The following TSPAN5 variants were observed in gnomAD, a reference collection of about 807,000 sequenced individuals.
The protein encoded by TSPAN5 is tetraspanin 5, also known as tetraspanin-5.
TSPAN5 carries 10 observed loss-of-function variants against 37.1 expected under a neutral mutation model. The observed-to-expected ratio is 0.27, with a 90% CI of 0.17 to 0.46. TSPAN5 has a LOEUF of 0.46. Ranked by LOEUF, TSPAN5 falls within the 20% of genes least tolerant of loss-of-function variation. The probability of loss-of-function intolerance (pLI) is 1.00; values close to 1 mark genes in which losing one functional copy is unlikely to be tolerated. For missense variants in TSPAN5, 195 were observed against 326.6 expected, an observed-to-expected ratio of 0.60 and a Z score of 3.11; for synonymous variants, 110 against 118.9, an observed-to-expected ratio of 0.93 and a Z score of 0.48.
At chr4:98,541,880 A>C (rs1197935169) in intron 1 of TSPAN5, among the ~76,000 whole-genome samples, 1 of 152,074 alleles carries the variant, frequency 6.6e-6, no homozygotes, top group Non-Finnish European at 1.5e-5. Flanking sequence ...AATTTTAGAG[A>C]GATATGGAGA....
chr4:98,486,644 G>C (rs989319079), intron 3 of TSPAN5, 94 bp downstream of exon 3: 1 of 1,468,808 alleles, frequency 6.8e-7, no homozygotes, highest in African/African-American at 1.4e-5. Flanking sequence ...AGTGCCTTTG[G>C]TACAGCTCAC....
intron 2 of TSPAN5, among the ~76,000 whole-genome samples, chr4:98,491,555 G>A (rs1753085933): frequency 6.6e-6 from 1 of 152,064 alleles, no homozygotes; most frequent in Non-Finnish European, 1.5e-5. Context: ...GCACGTGGTG[G>A]TACCTGCCTG....
intron 1 of TSPAN5, among the ~76,000 whole-genome samples, chr4:98,634,289 A>G (rs1469532546): frequency 1.3e-5 from 2 of 152,088 alleles, no homozygotes; most frequent in Non-Finnish European, 2.9e-5. Context: ...TCCATATGCT[A>G]TCTCTACAGC....
At chr4:98,578,856 T>C (rs1755305372) in intron 1 of TSPAN5, among the ~76,000 whole-genome samples, 1 of 152,138 alleles carries the variant, frequency 6.6e-6, no homozygotes, top group Non-Finnish European at 1.5e-5. Flanking sequence ...CCTTGGGAAT[T>C]CTTTCCTCTA....
rs150727787 is a variant in TSPAN5, at chr4:98,602,968, G to A, written c.81+55178C>T. ...AGAAGGTGGCTGTATGCTGTAAAGT[G>A]GGGAAAATTTTACTTTACCACTGTA... On this transcript the variant is annotated intron_variant, in intron 1 of 7. Transcript: ENST00000305798. Among the ~76,000 whole-genome samples the A allele has an allele frequency of 8.5e-5, 13 of 152,282 alleles. No homozygotes were observed. In the East Asian group the frequency reaches 2.5e-3, roughly 29 times the overall value.
chr4:98,481,078 G>A (rs914782356), intron 4 of TSPAN5, among the ~76,000 whole-genome samples: 6 of 151,934 alleles, frequency 3.9e-5, no homozygotes, highest in Admixed American at 1.3e-4. Flanking sequence ...CACAGACACC[G>A]CTGTCCAAGT....
At chr4:98,647,409 G>A (rs1757090660) in intron 1 of TSPAN5, among the ~76,000 whole-genome samples, 1 of 152,192 alleles carries the variant, frequency 6.6e-6, no homozygotes, top group South Asian at 2.1e-4. Flanking sequence ...CTTAAGTCAA[G>A]TATTCCTCTT....
At chr4:98,518,610 A>G (rs1415574852) in intron 1 of TSPAN5, among the ~76,000 whole-genome samples, 4 of 152,230 alleles carry the variant, frequency 2.6e-5, no homozygotes, top group African/African-American at 4.8e-5. Context: ...CTTATCCAAA[A>G]GGATCAAAGC....
intron 1 of TSPAN5, among the ~76,000 whole-genome samples, chr4:98,510,982 TC>T (rs376450216): frequency 1.9e-3 from 295 of 152,246 alleles, no homozygotes; most frequent in Non-Finnish European, 3.5e-3. Context: ...ACATTCAGTT[TC>T]CCCTTCCCAC....
chr4:98,514,805 T>C (rs1029853632), intron 1 of TSPAN5, among the ~76,000 whole-genome samples: 6 of 152,174 alleles, frequency 3.9e-5, no homozygotes, highest in Admixed American at 1.3e-4. Context: ...TTGGATAAAC[T>C]GGGAAACAAA....
At chr4:98,507,159 AT>A (rs1440129124) in intron 2 of TSPAN5, among the ~76,000 whole-genome samples, 1 of 152,160 alleles carries the variant, frequency 6.6e-6, no homozygotes, top group East Asian at 1.9e-4. Flanking sequence ...AAACATTCCC[AT>A]TATTTACATT....
At position 98,471,904 on chromosome 4, in the gene TSPAN5, A is replaced by G. The variant is rs1752593192; in HGVS notation, c.*618T>C. On this transcript the variant is annotated 3_prime_UTR_variant, in exon 8 of 8. Coordinates refer to ENST00000305798, the MANE Select transcript of TSPAN5 (RefSeq NM_005723.4). Reference sequence around the variant, plus strand: ...GCACATGAAATACACAACTTCTCTTATAAGGAGACTTTCCAGGATAGACCA... The same window carrying G: ...GCACATGAAATACACAACTTCTCTTGTAAGGAGACTTTCCAGGATAGACCA... The G allele has an allele frequency of 6.6e-6, 1 of 152,232 alleles. No individual in the cohort carries two copies. The highest frequency in any genetic ancestry group is 1.5e-5 in the Non-Finnish European group (1 of 68,050). 9.4% of individuals were successfully genotyped at this position (152,232 alleles called of 1,614,324 possible). A position where few individuals can be genotyped will look rare whatever the true frequency, so the allele number is the denominator to read the frequency against.
At chr4:98,644,694 T>C (rs1757026261) in intron 1 of TSPAN5, among the ~76,000 whole-genome samples, 1 of 152,158 alleles carries the variant, frequency 6.6e-6, no homozygotes, top group Admixed American at 6.5e-5. Context: ...GCAATACCTA[T>C]AGTAACTTGA....
chr4:98,537,899 T>A (rs146952932), intron 1 of TSPAN5, among the ~76,000 whole-genome samples: 4 of 152,364 alleles, frequency 2.6e-5, no homozygotes, highest in South Asian at 4.1e-4. Flanking sequence ...CTGCTCATGG[T>A]AGGTGGTGGG....
At chr4:98,619,177 C>T (rs1756419865) in intron 1 of TSPAN5, among the ~76,000 whole-genome samples, 1 of 152,180 alleles carries the variant, frequency 6.6e-6, no homozygotes, top group South Asian at 2.1e-4. Context: ...CCTATTTAAA[C>T]CTTAAATTTT....
chr4:98,520,613 T>G (rs1753832303), intron 1 of TSPAN5, among the ~76,000 whole-genome samples: 2 of 152,150 alleles, frequency 1.3e-5, no homozygotes. Flanking sequence ...GTGACCTTGG[T>G]CAAGTCACTG....
chr4:98,569,631 C>T (rs1293502006), intron 1 of TSPAN5, among the ~76,000 whole-genome samples: 2 of 152,172 alleles, frequency 1.3e-5, no homozygotes, highest in East Asian at 3.9e-4. Context: ...GAGGAAAATA[C>T]AAGAGACACT....
chr4:98,577,375 T>C (rs1579004578), intron 1 of TSPAN5, among the ~76,000 whole-genome samples: 1 of 152,264 alleles, frequency 6.6e-6, no homozygotes, highest in African/African-American at 2.4e-5. Context: ...CCAGAATCTT[T>C]ATTGTTTCCC....
intron 1 of TSPAN5, among the ~76,000 whole-genome samples, chr4:98,619,817 G>C (rs1050185730): frequency 6.6e-6 from 1 of 152,140 alleles, no homozygotes; most frequent in Non-Finnish European, 1.5e-5. Flanking sequence ...TCAGCGTCTG[G>C]CGAGGCTCAT....
Sources: gnomAD v4.1 joint callset for allele counts (sites outside exome capture counted in the v4.1 genomes callset) on GRCh38, gnomAD v4.1.1 for gene constraint, MANE v1.5 for transcripts, NCBI Gene and HGNC (gene_info 2026-07-23, HGNC 2026-07-21) for gene names.